Variants in ZNF329 observed in about 807,000 individuals in gnomAD.
ZNF329 encodes zinc finger protein 329.
A neutral mutation model predicts 26.6 loss-of-function variants in ZNF329; 15 were observed. The ratio of observed to expected loss-of-function variants is 0.56; its 90% confidence interval spans 0.38 to 0.87. The LOEUF is 0.87. ZNF329 is among the 40% of genes least tolerant of loss of function. ZNF329 has a pLI of 0.00. For synonymous variants in ZNF329, 239 were observed against 233.5 expected (o/e 1.02, Z -0.21); for missense variants, 651 against 651.9 (o/e 1.00, Z 0.02).
At chr19:58,144,163 G>T (rs974006414) in intron 1 of ZNF329, among the ~76,000 whole-genome samples, 4 of 151,836 alleles carry the variant, frequency 2.6e-5, no homozygotes, top group Non-Finnish European at 4.4e-5. Context: ...GGGTTTTTTT[G>T]TTGTTGTTAT....
rs1318716204 is a variant in ZNF329, at chr19:58,128,560, T to C, written c.944A>G (p.Tyr315Cys). ...GGGTTTCCCACATTCGTTACATCTA[T>C]ATGGTTTTTCCCCTGTATGAGTTCT... ...HQRTHTGEKPYRCNECGKPFT... is the reference protein window; with the variant it reads ...HQRTHTGEKPCRCNECGKPFT... Residue 315 changes from tyrosine (Y) to cysteine (C), a missense_variant, in exon 4 of 4, where the codon TAT becomes TGT. Coordinates refer to ENST00000598312, the MANE Select transcript of ZNF329 (RefSeq NM_024620.4). 2.5e-6 allele frequency: 4 copies of C among 1,614,108 alleles called. No homozygotes were observed. The highest frequency in any genetic ancestry group is 3.4e-6 in the Non-Finnish European group (4 of 1,179,980).
At chr19:58,142,907 G>A (rs1441476844) in intron 2 of ZNF329, among the ~76,000 whole-genome samples, 198 bp downstream of exon 2, 1 of 152,158 alleles carries the variant, frequency 6.6e-6, no homozygotes, top group African/African-American at 2.4e-5. Flanking sequence ...CCAGCAGGAA[G>A]TTCAAACTAT....
chr19:58,151,641 A>T (rs1015820087), upstream of ZNF329, among the ~76,000 whole-genome samples: 2 of 152,026 alleles, frequency 1.3e-5, no homozygotes, highest in Non-Finnish European at 2.9e-5. Context: ...TATATACAAG[A>T]TAGACAGTTC....
chr19:58,132,151 G>A (rs2074961315), intron 3 of ZNF329: 1 of 152,198 alleles, frequency 6.6e-6, no homozygotes, highest in Admixed American at 6.5e-5. Flanking sequence ...TTTCACGTGA[G>A]TAAAAATAAA....
intron 1 of ZNF329, among the ~76,000 whole-genome samples, chr19:58,147,344 C>T (rs2075339369): frequency 6.7e-6 from 1 of 149,626 alleles, no homozygotes; most frequent in African/African-American, 2.5e-5. Context: ...GTGAGGAGCC[C>T]CTCCGCCCGG....
chr19:58,127,902 C>T lies in ZNF329; in HGVS notation c.1602G>A (p.Leu534=), dbSNP rs1020779885. Residue 534 remains leucine, a synonymous_variant, in exon 4 of 4, where the codon CTG becomes CTA. Transcript: ENST00000598312. ...SSLVRHQRAH[L]GEQPMET The stretch of plus-strand genomic sequence containing the variant: ...ATTATGTTTCCATGGGTTGCTCTCC[C>T]AGGTGTGCTCTTTGATGTCGAACAA... The T allele has an allele frequency of 6.2e-7, 1 of 1,601,266 alleles. No homozygotes were observed. Among genetic ancestry groups the T allele is most frequent in the Non-Finnish European group, 8.5e-7 (1 of 1,173,324 alleles).
chr19:58,131,796 G>A (rs1460810273), intron 3 of ZNF329, among the ~76,000 whole-genome samples: 2 of 152,164 alleles, frequency 1.3e-5, no homozygotes, highest in Non-Finnish European at 2.9e-5. Context: ...GGCTGAGGCA[G>A]GTGGACCACA....
intron 3 of ZNF329, among the ~76,000 whole-genome samples, chr19:58,131,145 G>GTGC (rs1555806918): frequency 1.3e-5 from 2 of 151,782 alleles, no homozygotes; most frequent in African/African-American, 4.9e-5. Context: ...GTGTGTGCGC[G>GTGC]TGTATTTACA....
rs913762321 is a variant in ZNF329 at position 58,127,573 on chromosome 19, A to G, written c.*305T>C. 1 of 300,038 alleles carries G rather than the reference A, an allele frequency of 3.3e-6. No individual in the cohort carries two copies. The highest frequency in any genetic ancestry group is 6.2e-6 in the Non-Finnish European group (1 of 162,428). 18.6% of individuals were successfully genotyped at this position (300,038 alleles called of 1,614,324 possible). On this transcript the variant is annotated 3_prime_UTR_variant, in exon 4 of 4. Transcript: ENST00000598312. ...GCTCTTCATTCCAATCATGTTCTGAATGCATTCACAGGTTCTCTCTGTGGT... is the reference window on the plus strand; with the variant it reads ...GCTCTTCATTCCAATCATGTTCTGAGTGCATTCACAGGTTCTCTCTGTGGT...
Position 58,129,251 on chromosome 19 carries a change from C to T in ZNF329, c.253G>A (p.Val85Ile). Residue 85 changes from valine (V) to isoleucine (I), a missense_variant, in exon 4 of 4, where the codon GTT becomes ATT. Val to Ile is a conservative substitution (Grantham distance 29, BLOSUM62 3). Transcript: ENST00000598312. The part of the protein sequence containing the change: ...ASSDLPPSQR[V>I]LATNGFHAPD... The stretch of plus-strand genomic sequence containing the variant: ...GCATGGAAACCATTTGTTGCCAGAA[C>T]TCTCTGAGACGGTGGAAGGTCTGAG... 1 of 1,614,222 alleles carries T rather than the reference C, an allele frequency of 6.2e-7. No individual in the cohort carries two copies. Among genetic ancestry groups the T allele is most frequent in the Non-Finnish European group, 8.5e-7 (1 of 1,180,046 alleles).
At chr19:58,153,859 C>T (rs1304865137), upstream of ZNF329, among the ~76,000 whole-genome samples, 2 of 152,116 alleles carry the variant, frequency 1.3e-5, no homozygotes, top group African/African-American at 4.8e-5. Context: ...CAGGTGTACA[C>T]CACCATGCCT....
chr19:58,144,149 T>G (rs1358522245), intron 1 of ZNF329, among the ~76,000 whole-genome samples: 1 of 151,720 alleles, frequency 6.6e-6, no homozygotes, highest in South Asian at 2.1e-4. Flanking sequence ...TAGAAAAAAA[T>G]TGTGGGTTTT....
intron 1 of ZNF329, among the ~76,000 whole-genome samples, chr19:58,146,805 G>C (rs954413666): frequency 6.6e-6 from 1 of 151,834 alleles, no homozygotes; most frequent in African/African-American, 2.4e-5. Flanking sequence ...CGCCAGCCTC[G>C]GCCTCCCGAG....
At chr19:58,130,872 C>T (rs979777806) in intron 3 of ZNF329, among the ~76,000 whole-genome samples, 10 of 152,044 alleles carry the variant, frequency 6.6e-5, no homozygotes, top group African/African-American at 9.7e-5. Context: ...GATCGGGTCT[C>T]GCTCTGTCAT....
chr19:58,150,034 G>A (rs1417345002), intron 1 of ZNF329, among the ~76,000 whole-genome samples: 1 of 152,080 alleles, frequency 6.6e-6, no homozygotes, highest in Non-Finnish European at 1.5e-5. Context: ...GACGTTAACC[G>A]GGTCGTTCAC....
upstream of ZNF329, among the ~76,000 whole-genome samples, chr19:58,152,898 C>G (rs1204532401): frequency 6.6e-6 from 1 of 151,656 alleles, no homozygotes; most frequent in Non-Finnish European, 1.5e-5. Flanking sequence ...CTAAAATGTA[C>G]CATATTAAGC....
At chr19:58,152,087 G>C (rs1269294168), upstream of ZNF329, among the ~76,000 whole-genome samples, 1 of 152,132 alleles carries the variant, frequency 6.6e-6, no homozygotes. Context: ...CAATAGTGAT[G>C]GTTGGAGCAA....
rs1336788231 is a variant in ZNF329, at chr19:58,129,446, CT to C, written c.57del (p.Glu20LysfsTer15). On this transcript the variant is annotated frameshift_variant, in exon 4 of 4. Transcript: ENST00000598312. LOFTEE classifies it low-confidence loss of function (END_TRUNC). ...ACTTCCCTTGTGAATCTTTCCACTT[CT>C]ACATCACAGGGTACTTCTCTCTCAG... ...NFPEREVPCD[V>X]EVERFTREVP... 37 of 1,613,836 alleles carry C rather than the reference CT, an allele frequency of 2.3e-5. No homozygotes were observed. The highest frequency in any genetic ancestry group is 2.8e-5 in the Non-Finnish European group (33 of 1,179,934).
chr19:58,144,549 G>A (rs113627743), intron 1 of ZNF329, among the ~76,000 whole-genome samples: 10 of 151,858 alleles, frequency 6.6e-5, no homozygotes, highest in East Asian at 3.9e-4. Flanking sequence ...CACCACACTC[G>A]GCTAATTGTT....
Sources: allele counts gnomAD v4.1 joint callset (sites outside exome capture counted in the v4.1 genomes callset), GRCh38; gene constraint gnomAD v4.1.1; transcripts MANE v1.5; gene names NCBI Gene and HGNC (gene_info 2026-07-23, HGNC 2026-07-21).